The following RAG1 variants were observed in gnomAD, a reference collection of about 807,000 sequenced individuals.
The protein encoded by RAG1 is V(D)J recombination-activating protein 1.
Under a neutral mutation model 62.7 loss-of-function variants are expected in RAG1, and 35 were observed. That is an observed-to-expected ratio of 0.56 (90% CI 0.43 to 0.74). The LOEUF (loss-of-function observed/expected upper bound fraction) is 0.74. RAG1 is among the 30% of genes least tolerant of loss of function. RAG1 has a pLI of 0.00. For synonymous variants in RAG1, 461 were observed against 470.3 expected, an observed-to-expected ratio of 0.98 and a Z score of 0.26; for missense variants, 1,169 against 1,278.6, an observed-to-expected ratio of 0.91 and a Z score of 1.31.
At chr11:36,526,241 C>A (rs975518154) in intron 2 of RAG1, among the ~76,000 whole-genome samples, 11 of 127,152 alleles carry the variant, frequency 8.7e-5, no homozygotes, top group Admixed American at 2.6e-4. Context: ...CCCCTCCCCC[C>A]ACCCCCGATA....
At position 36,578,159 on chromosome 11, in the gene RAG1, A is replaced by G. The variant is rs1266539430; in HGVS notation, c.*1723A>G. The G allele has an allele frequency of 6.0e-6, 1 of 167,100 alleles. No homozygotes were observed. The highest frequency in any genetic ancestry group is 1.9e-4 in the East Asian group (1 of 5,210). The allele number at this position is 167,100 out of a possible 1,614,324, so 10.4% of individuals were successfully genotyped here. On this transcript the variant is annotated 3_prime_UTR_variant, in exon 2 of 2. Coordinates refer to ENST00000299440, the MANE Select transcript of RAG1 (RefSeq NM_000448.3). ...AATTGCTACTCTTCATACACAGTAT[A>G]TCAAAGAGCTTGATAATTTAGTTGT...
At chr11:36,566,135 C>T (rs1850658305), upstream of RAG1, among the ~76,000 whole-genome samples, 1 of 152,166 alleles carries the variant, frequency 6.6e-6, no homozygotes, top group Non-Finnish European at 1.5e-5. Flanking sequence ...GAACCTCACA[C>T]CTTCACCATT....
Position 36,575,765 on chromosome 11 carries a change from A to G in RAG1, c.2461A>G (p.Asn821Asp). Reference sequence around the variant, plus strand: ...GCTAGAGATAGGGGAAGTGTATAAGAATCCCAATGCTTCCAAAGAGGAAAG... The same window carrying G: ...GCTAGAGATAGGGGAAGTGTATAAGGATCCCAATGCTTCCAAAGAGGAAAG... ...FQLEIGEVYK[N>D]PNASKEERKR... Residue 821 changes from asparagine to aspartate, a missense_variant, in exon 2 of 2, where the codon AAT (asparagine) becomes GAT (aspartate). Physicochemically the swap from Asn to Asp is conservative, Grantham distance 23. This residue lies in a region of RAG1 where 800 missense variants were observed against 943.3 expected (regional missense o/e 0.85). Transcript: ENST00000299440. This position sits in a 1 kb window ranked among gnomAD's most constrained non-coding sequence, Gnocchi z 4.1. 2 of 1,614,248 alleles carry G rather than the reference A, an allele frequency of 1.2e-6. No homozygotes were observed. The highest frequency in any genetic ancestry group is 1.7e-6 in the Non-Finnish European group (2 of 1,180,050).
intron 2 of RAG1, among the ~76,000 whole-genome samples, chr11:36,523,904 GAA>G (rs1403000400): frequency 6.6e-6 from 1 of 152,136 alleles, no homozygotes; most frequent in East Asian, 1.9e-4. Context: ...TCAAGATATA[GAA>G]TATTTCTGCT....
rs11033676 is a variant in RAG1, at chr11:36,521,202, G to A, written n.428+973G>A. Among the ~76,000 whole-genome samples, 926 of 151,876 alleles carry A rather than the reference G, an allele frequency of 6.1e-3. 10 individuals carry two copies. The highest frequency in any genetic ancestry group is 0.021 in the African/African-American group (867 of 41,398). ...TCAAACTCCTGACCTCACACGATCC[G>A]TCCTCCTCAGCCTCCCAAAGTGCTG... is the stretch of plus-strand genomic sequence containing the variant. On this transcript the variant is annotated intron_variant and non_coding_transcript_variant, in intron 2 of 2. Transcript: ENST00000529126.
chr11:36,572,148 T>A (rs1850757967), intron 1 of RAG1, among the ~76,000 whole-genome samples: 1 of 151,900 alleles, frequency 6.6e-6, no homozygotes, highest in Non-Finnish European at 1.5e-5. Flanking sequence ...GGGAAAAACA[T>A]ATGTTACTTG....
chr11:36,571,377 G>C (rs1714336059), intron 1 of RAG1, among the ~76,000 whole-genome samples: 1 of 152,144 alleles, frequency 6.6e-6, no homozygotes, highest in African/African-American at 2.4e-5. Flanking sequence ...TAAGAGGCAG[G>C]GGAGCCACAG....
chr11:36,563,162 G>A (rs187301762), upstream of RAG1, among the ~76,000 whole-genome samples: 1 of 152,170 alleles, frequency 6.6e-6, no homozygotes, highest in Non-Finnish European at 1.5e-5. Context: ...TTGACTGGGC[G>A]AAGGGATACC....
chr11:36,539,724 C>T (rs900776036), downstream of RAG1, among the ~76,000 whole-genome samples: 1 of 152,186 alleles, frequency 6.6e-6, no homozygotes, highest in Non-Finnish European at 1.5e-5. Context: ...GTGATCTGCC[C>T]ACCTCGGCCT....
intron 3 of RAG1, among the ~76,000 whole-genome samples, chr11:36,550,321 TG>T (rs776507211): frequency 6.6e-6 from 1 of 151,978 alleles, no homozygotes; most frequent in Non-Finnish European, 1.5e-5. Flanking sequence ...AATCAAAAGA[TG>T]GTCAGTTAAT....
chr11:36,539,403 G>T (rs950854721), downstream of RAG1, among the ~76,000 whole-genome samples: 1 of 152,170 alleles, frequency 6.6e-6, no homozygotes, highest in African/African-American at 2.4e-5. Flanking sequence ...GCAGCCCTAG[G>T]TGACTAATAT....
At chr11:36,536,980 G>C (rs1216850956), downstream of RAG1, among the ~76,000 whole-genome samples, 1 of 148,940 alleles carries the variant, frequency 6.7e-6, no homozygotes, top group Non-Finnish European at 1.5e-5. Context: ...GGATGGTCTC[G>C]ATCTCCTGAC....
chr11:36,573,470 A>G lies in RAG1; in HGVS notation c.166A>G (p.Lys56Glu), dbSNP rs1409296761. Residue 56 changes from lysine to glutamate, a missense_variant, in exon 2 of 2, where the codon AAA (lysine) becomes GAA (glutamate). Transcript: ENST00000299440. ...QKEKKDSFEG[K>E]PSLEQSPAVL... is the part of the protein sequence containing the mutation. ...GGAAAAGAAGGATTCCTTTGAGGGGAAACCCTCTCTGGAGCAATCTCCAGC... is the reference window on the plus strand; with the variant it reads ...GGAAAAGAAGGATTCCTTTGAGGGGGAACCCTCTCTGGAGCAATCTCCAGC... 6.2e-7 allele frequency: 1 copy of G among 1,614,076 alleles called. No homozygotes were observed. Among genetic ancestry groups the G allele is most frequent in the East Asian group, 2.2e-5 (1 of 44,892 alleles).
At chr11:36,537,053 C>T (rs918557845), downstream of RAG1, among the ~76,000 whole-genome samples, 7 of 151,652 alleles carry the variant, frequency 4.6e-5, no homozygotes, top group South Asian at 2.1e-4. Flanking sequence ...CCACCGTGCC[C>T]GGCCAATATA....
At chr11:36,566,722 A>T (rs996646012), upstream of RAG1, among the ~76,000 whole-genome samples, 19 of 152,256 alleles carry the variant, frequency 1.2e-4, no homozygotes, top group African/African-American at 4.3e-4. Flanking sequence ...CTTGGGGAAA[A>T]ACACACTGAA....
At chr11:36,539,300 G>A (rs1173544999), downstream of RAG1, among the ~76,000 whole-genome samples, 1 of 152,090 alleles carries the variant, frequency 6.6e-6, no homozygotes, top group Non-Finnish European at 1.5e-5. Flanking sequence ...GAGAAACCAG[G>A]CCTGCTGACA....
intron 2 of RAG1, among the ~76,000 whole-genome samples, chr11:36,529,095 C>A (rs574229073): frequency 6.6e-6 from 1 of 152,136 alleles, no homozygotes; most frequent in Non-Finnish European, 1.5e-5. Flanking sequence ...CCTTCTGAAA[C>A]TATTCCAATC....
At chr11:36,569,177 C>A (rs896108560) in intron 1 of RAG1, among the ~76,000 whole-genome samples, 5 of 152,168 alleles carry the variant, frequency 3.3e-5, no homozygotes, top group African/African-American at 1.2e-4. Flanking sequence ...CTAATGATAT[C>A]ACTCACCAGA....
intron 2 of RAG1, among the ~76,000 whole-genome samples, chr11:36,533,999 C>A (rs1376131554): frequency 1.3e-5 from 2 of 151,858 alleles, no homozygotes; most frequent in Non-Finnish European, 2.9e-5. Flanking sequence ...TAACCTAAAT[C>A]AAATGAATGT....
Sources: gnomAD v4.1 joint callset for allele counts (sites outside exome capture counted in the v4.1 genomes callset) on GRCh38, gnomAD v4.1.1 for gene constraint, gnomAD v4.1.1 regional missense constraint, Gnocchi (gnomAD v3.1) non-coding constraint, MANE v1.5 for transcripts, NCBI Gene and HGNC (gene_info 2026-07-23, HGNC 2026-07-21) for gene names.